PCDHGB3: variants seen among roughly 807,000 people sequenced by gnomAD.
The protein encoded by PCDHGB3 is protocadherin gamma-B3.
Under a neutral mutation model 59.2 loss-of-function variants are expected in PCDHGB3, and 40 were observed. The observed-to-expected ratio is 0.68, with a 90% CI of 0.52 to 0.88. PCDHGB3 has a LOEUF of 0.88. PCDHGB3 is among the 40% of genes least tolerant of loss of function. The probability of loss-of-function intolerance (pLI) is 0.00; values close to 1 mark genes in which losing one functional copy is unlikely to be tolerated. For synonymous variants in PCDHGB3, 581 were observed against 503.6 expected (o/e 1.15, Z -2.06); for missense variants, 1,309 against 1,187.9 (o/e 1.10, Z -1.50).
At chr5:141,374,328 G>T in intron 1 of PCDHGB3, 1 of 1,613,996 alleles carries the variant, frequency 6.2e-7, no homozygotes, top group Non-Finnish European at 8.5e-7. Flanking sequence ...CCGCGAAACG[G>T]CAGCTTGGTC....
At chr5:141,394,416 A>G (rs1220964310) in intron 1 of PCDHGB3, 1 of 1,614,202 alleles carries the variant, frequency 6.2e-7, no homozygotes. Context: ...GGTAACAGCC[A>G]GCGACAGCGG....
intron 1 of PCDHGB3, chr5:141,394,806 G>A: frequency 6.2e-7 from 1 of 1,613,852 alleles, no homozygotes; most frequent in Non-Finnish European, 8.5e-7. Flanking sequence ...CGTAGCCGTG[G>A]CTGACAGCAT....
intron 1 of PCDHGB3, chr5:141,422,041 G>A (rs371079504): frequency 2.1e-5 from 34 of 1,611,632 alleles, no homozygotes; most frequent in Non-Finnish European, 2.9e-5. Flanking sequence ...GGATCCAGAC[G>A]AGGGAATCAA....
intron 1 of PCDHGB3, chr5:141,375,669 A>T (rs755513841): frequency 1.8e-5 from 29 of 1,614,240 alleles, no homozygotes; most frequent in Non-Finnish European, 2.4e-5. Context: ...AGAGACCTAC[A>T]GCTGTGGGTG....
rs1236013576 is a variant in PCDHGB3 at position 141,375,392 on chromosome 5, A to G, written c.2415+2583A>G. On this transcript the variant is annotated intron_variant, in intron 1 of 3. Transcript: ENST00000576222. ...AACACCACCTCTGTCTACAGAAACA[A>G]TCATCTCTCTAAATGTGGCAGACAC... 33 of 1,613,850 alleles carry G rather than the reference A, an allele frequency of 2.0e-5. 1 individual carries two copies. Among genetic ancestry groups the G allele is most frequent in the African/African-American group, 4.0e-5 (3 of 74,932 alleles).
At chr5:141,395,032 T>C (rs1561652708) in intron 1 of PCDHGB3, 1 of 1,614,068 alleles carries the variant, frequency 6.2e-7, no homozygotes. Context: ...GCCTCACATT[T>C]TGTGGGTGTT....
In PCDHGB3 at chr5:141,370,618, T is replaced by C; in HGVS notation, c.224T>C (p.Phe75Ser). 1 of 1,613,964 alleles carries C rather than the reference T, an allele frequency of 6.2e-7. No individual in the cohort carries two copies. Among genetic ancestry groups the C allele is most frequent in the Non-Finnish European group, 8.5e-7 (1 of 1,179,882 alleles). The change falls in exon 1 of 4, where the codon TTT (phenylalanine) becomes TCT (serine). Residue 75 changes from phenylalanine to serine, a missense_variant. By Grantham distance (155) the Phe-to-Ser change is radical. Coordinates refer to ENST00000576222, the MANE Select transcript of PCDHGB3 (RefSeq NM_018924.5). ...NLRVIAEKKF[F>S]TVSPENGNLL... ...CGGGTTATTGCAGAGAAGAAATTCTTTACCGTGAGCCCCGAAAATGGGAAC... is the reference window on the plus strand; with the variant it reads ...CGGGTTATTGCAGAGAAGAAATTCTCTACCGTGAGCCCCGAAAATGGGAAC...
In PCDHGB3 at chr5:141,487,694, AC is replaced by A. The variant is rs1296386169; in HGVS notation, c.2416-7112del. On this transcript the variant is annotated intron_variant, in intron 1 of 3. Coordinates refer to ENST00000576222, the MANE Select transcript of PCDHGB3 (RefSeq NM_018924.5). The surrounding 1 kb of genome is among the most constrained non-coding windows in gnomAD (Gnocchi z 5.0). ...ATGGCTAGGCCATGTCCTAGAGAGT[AC>A]TGGCCTCTCAGTAAGTGCCCATAGT... is the stretch of plus-strand genomic sequence containing the variant. The A allele has an allele frequency of 6.2e-7, 1 of 1,602,048 alleles. No individual in the cohort carries two copies. The highest frequency in any genetic ancestry group is 2.2e-5 in the East Asian group (1 of 44,642).
At chr5:141,469,548 C>A (rs2099204726) in intron 1 of PCDHGB3, among the ~76,000 whole-genome samples, 1 of 152,212 alleles carries the variant, frequency 6.6e-6, no homozygotes, top group East Asian at 1.9e-4. Context: ...GCACTCCAGC[C>A]TGGCGACAGA....
At chr5:141,434,713 T>C (rs1377558306) in intron 1 of PCDHGB3, among the ~76,000 whole-genome samples, 1 of 152,088 alleles carries the variant, frequency 6.6e-6, no homozygotes, top group Non-Finnish European at 1.5e-5. Flanking sequence ...GGTAAATCTC[T>C]GTTCAGGGCT....
intron 1 of PCDHGB3, chr5:141,384,267 C>T (rs1170671342): frequency 6.2e-7 from 1 of 1,613,862 alleles, no homozygotes; most frequent in East Asian, 2.2e-5. Context: ...CCCACTCATC[C>T]TACTCAGTCT....
At chr5:141,460,231 G>A (rs911633731) in intron 1 of PCDHGB3, among the ~76,000 whole-genome samples, 3 of 152,028 alleles carry the variant, frequency 2.0e-5, no homozygotes, top group Non-Finnish European at 4.4e-5. Context: ...CTTTTGAAGA[G>A]CAGAAGATGT....
rs978049964 is a variant in PCDHGB3 at position 141,376,740 on chromosome 5, G to A, written c.2415+3931G>A. On this transcript the variant is annotated intron_variant, in intron 1 of 3. Coordinates refer to ENST00000576222, the MANE Select transcript of PCDHGB3 (RefSeq NM_018924.5). ...TGTCGCCCAGGCCGGACTGCGGACT[G>A]CAGTGGCGCAATCTCGGCTCACTGC... is the stretch of plus-strand genomic sequence containing the variant. 6 of 494,230 alleles carry A rather than the reference G, an allele frequency of 1.2e-5. No homozygotes were observed. In the Admixed American group the frequency reaches 1.2e-4, roughly 10 times the overall value. The allele number at this position is 494,230 out of a possible 1,614,324, so 30.6% of individuals were successfully genotyped here.
At chr5:141,501,146 T>C (rs2299023) in intron 2 of PCDHGB3, among the ~76,000 whole-genome samples, 88,663 of 152,012 alleles carry the variant, frequency 0.58, 27,355 homozygotes, top group African/African-American at 0.78. Context: ...GGATTACAGG[T>C]GGGAGCCACC....
At chr5:141,467,059 T>C (rs1157689140) in intron 1 of PCDHGB3, among the ~76,000 whole-genome samples, 2 of 151,064 alleles carry the variant, frequency 1.3e-5, no homozygotes, top group African/African-American at 2.4e-5. Context: ...TGTTTTCTTT[T>C]TTTTTTTTTT....
intron 1 of PCDHGB3, among the ~76,000 whole-genome samples, chr5:141,484,092 G>A (rs1594371151): frequency 6.6e-6 from 1 of 152,102 alleles, no homozygotes; most frequent in African/African-American, 2.4e-5. Flanking sequence ...AATGGTCTTC[G>A]TTGGTAATTA....
At chr5:141,464,134 G>A (rs1270558696) in intron 1 of PCDHGB3, among the ~76,000 whole-genome samples, 1 of 151,944 alleles carries the variant, frequency 6.6e-6, no homozygotes, top group Admixed American at 6.6e-5. Context: ...GTGTGGTGGT[G>A]GGCGCCTGTA....
rs779191558 is a variant in PCDHGB3 at position 141,491,465 on chromosome 5, A to T, written c.2416-3342A>T. 3.1e-6 allele frequency: 5 copies of T among 1,614,092 alleles called. No homozygotes were observed. Among genetic ancestry groups the T allele is most frequent in the Non-Finnish European group, 4.2e-6 (5 of 1,180,010 alleles). On this transcript the variant is annotated intron_variant, in intron 1 of 3. Transcript: ENST00000576222. The surrounding 1 kb of genome is among the most constrained non-coding windows in gnomAD (Gnocchi z 6.9). ...CAGGACTCACCCTCCCCGGACTTCT[A>T]TAAGCAGTCCAGCCCCAACCTGCAG... is the stretch of plus-strand genomic sequence containing the variant.
Position 141,494,869 on chromosome 5 carries a change from G to A in PCDHGB3, c.2474+4G>A. 6.2e-7 allele frequency: 1 copy of A among 1,614,144 alleles called. No individual in the cohort carries two copies. Among genetic ancestry groups the A allele is most frequent in the Non-Finnish European group, 8.5e-7 (1 of 1,180,010 alleles). On this transcript the variant is annotated splice_donor_region_variant and intron_variant, in intron 2 of 3. Coordinates refer to ENST00000576222, the MANE Select transcript of PCDHGB3 (RefSeq NM_018924.5). The stretch of plus-strand genomic sequence containing the variant: ...CCCAGAGACCCGGCACCAGCGGGTA[G>A]GTGACTGATTCTCCAGCCCACCCTC...
Sources: allele counts gnomAD v4.1 joint callset (sites outside exome capture counted in the v4.1 genomes callset), GRCh38; gene constraint gnomAD v4.1.1; non-coding constraint Gnocchi (gnomAD v3.1); transcripts MANE v1.5; gene names NCBI Gene and HGNC (gene_info 2026-07-23, HGNC 2026-07-21).